Variants in SNTG2 observed in about 807,000 individuals in gnomAD.
SNTG2 encodes the protein syntrophin gamma 2.
In SNTG2, 74 loss-of-function variants were observed where a neutral mutation model predicts 70.9. That is an observed-to-expected ratio of 1.04 (90% CI 0.86 to 1.27). The LOEUF is 1.27. Ranked by LOEUF, SNTG2 falls within the 50% of genes most tolerant of loss-of-function variation. The pLI, the probability that SNTG2 is intolerant of heterozygous loss-of-function variation, is 0.00. For synonymous variants in SNTG2, 278 were observed against 273.8 expected (o/e 1.02, Z -0.15); for missense variants, 717 against 690.7 (o/e 1.04, Z -0.43).
chr2:1,058,657 T>G (rs1051620420), intron 1 of SNTG2, among the ~76,000 whole-genome samples: 1 of 152,182 alleles, frequency 6.6e-6, no homozygotes, highest in Non-Finnish European at 1.5e-5. Context: ...TCCCCCACAT[T>G]GGGGACCTGC....
At chr2:1,112,655 G>A (rs1666570511) in intron 4 of SNTG2, among the ~76,000 whole-genome samples, 1 of 151,188 alleles carries the variant, frequency 6.6e-6, no homozygotes, top group South Asian at 2.1e-4. Context: ...ACTAAGTGAG[G>A]GTTAACCCTT....
At chr2:1,046,703 T>C (rs150820864) in intron 1 of SNTG2, among the ~76,000 whole-genome samples, 33 of 152,288 alleles carry the variant, frequency 2.2e-4, no homozygotes, top group African/African-American at 7.0e-4. Context: ...TTCTAGGTTG[T>C]AGGGTTTCTG....
intron 8 of SNTG2, among the ~76,000 whole-genome samples, chr2:1,188,047 A>G (rs1279537116): frequency 1.3e-5 from 2 of 152,264 alleles, no homozygotes; most frequent in Admixed American, 6.5e-5. Flanking sequence ...GGCTCTAACA[A>G]GCGTTAGCTT....
intron 14 of SNTG2, among the ~76,000 whole-genome samples, chr2:1,297,195 T>G (rs1235058766): frequency 6.6e-6 from 1 of 152,232 alleles, no homozygotes; most frequent in Non-Finnish European, 1.5e-5. Context: ...CCCTCCCACC[T>G]TGTGTATCTG....
At chr2:1,250,724 C>A (rs1431040235) in intron 12 of SNTG2, among the ~76,000 whole-genome samples, 1 of 148,836 alleles carries the variant, frequency 6.7e-6, no homozygotes, top group Non-Finnish European at 1.5e-5. Context: ...TTGGTCTCTC[C>A]CTCTCTTTGT....
At chr2:1,226,756 G>A (rs915339704) in intron 9 of SNTG2, among the ~76,000 whole-genome samples, 4 of 152,224 alleles carry the variant, frequency 2.6e-5, no homozygotes, top group Admixed American at 1.3e-4. Context: ...TGAGAGATTA[G>A]GACTTAGTCC....
chr2:1,101,367 G>C (rs1014748338), intron 4 of SNTG2, among the ~76,000 whole-genome samples: 2 of 152,246 alleles, frequency 1.3e-5, no homozygotes, highest in African/African-American at 4.8e-5. Context: ...CATTTCATCA[G>C]CTGTGCCAGA....
At chr2:1,312,414 A>C (rs1410847801) in intron 15 of SNTG2, among the ~76,000 whole-genome samples, 2 of 152,148 alleles carry the variant, frequency 1.3e-5, no homozygotes, top group East Asian at 3.9e-4. Flanking sequence ...AATTAATCAG[A>C]AGTGGGAGAG....
At chr2:1,142,028 C>G (rs1265991365) in intron 6 of SNTG2, among the ~76,000 whole-genome samples, 1 of 152,146 alleles carries the variant, frequency 6.6e-6, no homozygotes, top group East Asian at 1.9e-4. Context: ...ATCTGCAGTA[C>G]AAAGAGTTGG....
chr2:1,044,987 A>G (rs1281558648), intron 1 of SNTG2, among the ~76,000 whole-genome samples: 2 of 151,564 alleles, frequency 1.3e-5, no homozygotes, highest in East Asian at 1.9e-4. Context: ...ATCTGTTACA[A>G]TTAGGCTGTG....
At chr2:1,041,992 T>C (rs879046366) in intron 1 of SNTG2, among the ~76,000 whole-genome samples, 1 of 152,204 alleles carries the variant, frequency 6.6e-6, no homozygotes, top group Admixed American at 6.5e-5. Flanking sequence ...CCATATTTCT[T>C]CAGTTCTAAG....
chr2:972,548 A>G (rs1403280546), intron 1 of SNTG2, among the ~76,000 whole-genome samples: 1 of 152,144 alleles, frequency 6.6e-6, no homozygotes, highest in African/African-American at 2.4e-5. Context: ...CACTATTGAT[A>G]CAGTTTGGAT....
chr2:1,014,986 A>T (rs891259466), intron 1 of SNTG2, among the ~76,000 whole-genome samples: 7 of 151,990 alleles, frequency 4.6e-5, no homozygotes, highest in African/African-American at 1.7e-4. Context: ...GGGCCCCGGG[A>T]GGGGGCTGGG....
At chr2:1,324,628 CA>C (rs1213284424) in intron 16 of SNTG2, among the ~76,000 whole-genome samples, 1 of 152,150 alleles carries the variant, frequency 6.6e-6, no homozygotes, top group Non-Finnish European at 1.5e-5. Context: ...AATCTAATAA[CA>C]GGTGTGCAGT....
Position 1,331,449 on chromosome 2 carries a change from G to A in SNTG2, c.1488+15074G>A, listed in dbSNP as rs193187318. 9.2e-5 allele frequency among the ~76,000 whole-genome samples: 14 copies of A among 152,328 alleles called. No individual in the cohort carries two copies. The East Asian group carries it at 2.3e-3, about 25-fold the overall frequency. Reference sequence around the variant, plus strand: ...TGTCTTAATAACTTTACAACTATCCGGGGGTGGGGAATGTAGGAAATAACT... The same window carrying A: ...TGTCTTAATAACTTTACAACTATCCAGGGGTGGGGAATGTAGGAAATAACT... On this transcript the variant is annotated intron_variant, in intron 16 of 16. Coordinates refer to ENST00000308624, the MANE Select transcript of SNTG2 (RefSeq NM_018968.4).
At chr2:977,753 T>A (rs538202864) in intron 1 of SNTG2, among the ~76,000 whole-genome samples, 1 of 152,152 alleles carries the variant, frequency 6.6e-6, no homozygotes, top group Admixed American at 6.5e-5. Flanking sequence ...AGGACCTGCC[T>A]GCGTTGCCAA....
intron 13 of SNTG2, among the ~76,000 whole-genome samples, chr2:1,266,234 G>A (rs763707911): frequency 5.9e-5 from 9 of 152,208 alleles, no homozygotes; most frequent in Middle Eastern, 6.8e-3. Flanking sequence ...TTGAGTGCGC[G>A]TTCACCATGC....
chr2:1,210,785 G>A (rs550057687), intron 9 of SNTG2: 2 of 152,232 alleles, frequency 1.3e-5, no homozygotes, highest in East Asian at 1.9e-4. Context: ...TTGGTTTTGT[G>A]TATTTAGATA....
At chr2:1,326,840 TTC>T (rs932927328) in intron 16 of SNTG2, among the ~76,000 whole-genome samples, 5 of 152,110 alleles carry the variant, frequency 3.3e-5, no homozygotes, top group South Asian at 2.1e-4. Context: ...CATTTTTCCA[TTC>T]TCTTTCTTTT....
Sources: gnomAD v4.1 joint callset for allele counts (sites outside exome capture counted in the v4.1 genomes callset) on GRCh38, gnomAD v4.1.1 for gene constraint, MANE v1.5 for transcripts, NCBI Gene and HGNC (gene_info 2026-07-23, HGNC 2026-07-21) for gene names.